TPCN1: variants seen among roughly 807,000 people sequenced by gnomAD.
TPCN1 encodes the protein two pore segment channel 1, also known as two pore channel protein 1.
A neutral mutation model predicts 108.8 loss-of-function variants in TPCN1; 52 were observed. The ratio of observed to expected loss-of-function variants is 0.48; its 90% CI spans 0.38 to 0.60. TPCN1 has a LOEUF of 0.60. Among genes scored for constraint, TPCN1 ranks in the 20% least tolerant of loss-of-function variants. The pLI is 0.00. For missense variants in TPCN1, 806 were observed against 1,072.8 expected, an observed-to-expected ratio of 0.75 and a Z score of 3.47; for synonymous variants, 446 against 433.7, an observed-to-expected ratio of 1.03 and a Z score of -0.35.
At chr12:113,259,002 G>A (rs772629120) in intron 2 of TPCN1, among the ~76,000 whole-genome samples, 5 of 148,048 alleles carry the variant, frequency 3.4e-5, no homozygotes, top group African/African-American at 1.0e-4. Context: ...TTTTTGAGAC[G>A]GAGTCTTGCT....
At position 113,273,435 on chromosome 12, in the gene TPCN1, C is replaced by A; in HGVS notation, c.843-134C>A. On this transcript the variant is annotated intron_variant, in intron 9 of 27. Coordinates refer to ENST00000335509, the MANE Select transcript of TPCN1 (RefSeq NM_017901.6). This position sits in a 1 kb window ranked among gnomAD's most constrained non-coding sequence, Gnocchi z 4.0. Reference sequence around the variant, plus strand: ...CAGGGTTGGCCCACTGAGCACGGAGCCCAGGGATGAGAGTAGGGGAACCAG... The same window carrying A: ...CAGGGTTGGCCCACTGAGCACGGAGACCAGGGATGAGAGTAGGGGAACCAG... The A allele has an allele frequency of 8.1e-7, 1 of 1,241,980 alleles. No individual in the cohort carries two copies. The highest frequency in any genetic ancestry group is 1.2e-6 in the Non-Finnish European group (1 of 846,396). 76.9% of individuals were successfully genotyped at this position (1,241,980 alleles called of 1,614,324 possible). A position where few individuals can be genotyped will look rare whatever the true frequency, so the allele number is the denominator to read the frequency against.
chr12:113,255,513 A>G (rs1281512687), intron 2 of TPCN1, among the ~76,000 whole-genome samples: 1 of 151,824 alleles, frequency 6.6e-6, no homozygotes, highest in African/African-American at 2.4e-5. Flanking sequence ...GAAATTGACT[A>G]ATTATTATTA....
In TPCN1 at chr12:113,257,488, C is replaced by CAAAAA. The variant is rs77052703; in HGVS notation, c.113-2869_113-2865dup. 1.6e-4 allele frequency among the ~76,000 whole-genome samples: 15 copies of CAAAAA among 96,742 alleles called. 1 individual carries two copies. The highest frequency in any genetic ancestry group is 5.2e-4 in the African/African-American group (14 of 27,038). 63.5% of individuals were successfully genotyped at this position (96,742 alleles called of 152,430 possible). A position where few individuals can be genotyped will look rare whatever the true frequency, so the allele number is the denominator to read the frequency against. On this transcript the variant is annotated intron_variant, in intron 2 of 27. Coordinates refer to ENST00000335509, the MANE Select transcript of TPCN1 (RefSeq NM_017901.6). ...CCTGGGCGACAGAGTGAGACCGTCT[C>CAAAAA]AAAAAAAAAAAAAAATGCTTAAAAA...
Position 113,291,876 on chromosome 12 carries a change from G to A in TPCN1, c.2031G>A (p.Val677=), listed in dbSNP as rs1290360509. The change falls in exon 25 of 28, where the codon GTG becomes GTA. Residue 677 remains valine (V), a splice_region_variant and synonymous_variant. Transcript: ENST00000335509. ...YFMTFYIVTM[V]VMTIIVAFIL... Reference sequence around the variant, plus strand: ...CCTCCCTCCCTATCCCTGGCCAGGTGGTGATGACGATCATTGTCGCCTTTA... The same window carrying A: ...CCTCCCTCCCTATCCCTGGCCAGGTAGTGATGACGATCATTGTCGCCTTTA... The A allele has an allele frequency of 1.9e-6, 3 of 1,613,524 alleles. No individual in the cohort carries two copies. The highest frequency in any genetic ancestry group is 2.2e-5 in the South Asian group (2 of 91,070).
Position 113,288,720 on chromosome 12 carries a change from T to A in TPCN1, c.1707-38T>A. The A allele has an allele frequency of 6.2e-7, 1 of 1,607,172 alleles. No individual in the cohort carries two copies. The highest frequency in any genetic ancestry group is 8.5e-7 in the Non-Finnish European group (1 of 1,179,134). ...GGGCTGCAGAGGAGCCGTTCCCTCC[T>A]GCCGGCCCCGCGTCACCCTGCCCCT... On this transcript the variant is annotated intron_variant, in intron 20 of 27. Coordinates refer to ENST00000335509, the MANE Select transcript of TPCN1 (RefSeq NM_017901.6). The surrounding 1 kb of genome is among the most constrained non-coding windows in gnomAD (Gnocchi z 4.8).
At chr12:113,290,031 C>T (rs1449984234) in intron 21 of TPCN1, 97 bp from the exon 22 acceptor site, 2 of 772,918 alleles carry the variant, frequency 2.6e-6, no homozygotes, top group African/African-American at 3.5e-5. Context: ...CAGAAGGATC[C>T]TTGGCCAGAA....
At chr12:113,245,494 G>A (rs867505806) in intron 2 of TPCN1, among the ~76,000 whole-genome samples, 2 of 146,154 alleles carry the variant, frequency 1.4e-5, no homozygotes, top group African/African-American at 2.6e-5. Flanking sequence ...CCAGCTACTC[G>A]GGAGGCTGAG....
At chr12:113,283,875 G>A (rs1301738674) in intron 15 of TPCN1, among the ~76,000 whole-genome samples, 1 of 152,174 alleles carries the variant, frequency 6.6e-6, no homozygotes, top group South Asian at 2.1e-4. Context: ...TGGTCTCCCT[G>A]TGTGCCCAGG....
At chr12:113,293,387 A>G (rs1407533378) in intron 27 of TPCN1, 38 bp downstream of exon 27, 3 of 1,587,764 alleles carry the variant, frequency 1.9e-6, no homozygotes, top group Non-Finnish European at 2.6e-6. Context: ...ATCCTCCCCC[A>G]AGCTATGTCC....
chr12:113,293,438 G>A (rs1336795675), intron 27 of TPCN1, 89 bp downstream of exon 27: 1 of 1,252,192 alleles, frequency 8.0e-7, no homozygotes, highest in South Asian at 1.2e-5. Context: ...TCTGAGTAGA[G>A]GGAGAAGGCT....
chr12:113,261,788 T>G (rs1273873802), intron 3 of TPCN1, among the ~76,000 whole-genome samples: 1 of 152,232 alleles, frequency 6.6e-6, no homozygotes, highest in Non-Finnish European at 1.5e-5. Context: ...CCTGATAATC[T>G]TGAATATTTT....
chr12:113,292,200 C>T (rs1956290957), intron 25 of TPCN1: 1 of 501,944 alleles, frequency 2.0e-6, no homozygotes, highest in Non-Finnish European at 3.6e-6. Flanking sequence ...GGAGAAAAAT[C>T]AAGAAGTAGA....
At position 113,266,121 on chromosome 12, in the gene TPCN1, C is replaced by T; in HGVS notation, c.238-59C>T. The T allele has an allele frequency of 6.3e-7, 1 of 1,589,386 alleles. No individual in the cohort carries two copies. The highest frequency in any genetic ancestry group is 8.6e-7 in the Non-Finnish European group (1 of 1,163,434). ...TCCTTTCCTCCCCTGCCCGCGGCTC[C>T]TCTTTGGCGTTGGATGGGTCTCCAG... On this transcript the variant is annotated intron_variant, in intron 3 of 27. Transcript: ENST00000335509. This position sits in a 1 kb window ranked among gnomAD's most constrained non-coding sequence, Gnocchi z 4.2.
chr12:113,287,016 T>A lies in TPCN1; in HGVS notation c.1556T>A (p.Phe519Tyr). ...LFDFSVTVFA[F>Y]LGLLALALNM... ...GACTTCTCCGTGACAGTGTTCGCCT[T>A]CCTGGGACTGCTGGCGCTGGCCCTC... The change falls in exon 19 of 28, where the codon TTC becomes TAC. Residue 519 changes from phenylalanine to tyrosine, a missense_variant. Coordinates refer to ENST00000335509, the MANE Select transcript of TPCN1 (RefSeq NM_017901.6). The A allele has an allele frequency of 6.2e-7, 1 of 1,613,878 alleles. No homozygotes were observed.
In TPCN1 at chr12:113,268,868, C is replaced by T. The variant is rs1391470243; in HGVS notation, c.655C>T (p.Arg219Trp). The T allele has an allele frequency of 6.2e-7, 1 of 1,613,796 alleles. No homozygotes were observed. The highest frequency in any genetic ancestry group is 1.1e-5 in the South Asian group (1 of 91,062). Residue 219 changes from arginine to tryptophan, a missense_variant, in exon 6 of 28, where the codon CGG becomes TGG. Transcript: ENST00000335509. The surrounding 1 kb of genome is among the most constrained non-coding windows in gnomAD (Gnocchi z 7.3). Reference sequence around the variant, plus strand: ...GGACTGTCGGTATTGCGGTGGCGTCCGGCGGTAAGGCCCGGGTGGGGAGCT... The same window carrying T: ...GGACTGTCGGTATTGCGGTGGCGTCTGGCGGTAAGGCCCGGGTGGGGAGCT... ...LVDCRYCGGVRRNLRQIFQSL... is the reference protein window; with the variant it reads ...LVDCRYCGGVWRNLRQIFQSL...
rs372710680 is a variant in TPCN1 at position 113,288,251 on chromosome 12, C to T, written c.1706+17C>T. The T allele has an allele frequency of 3.0e-5, 49 of 1,613,404 alleles. No individual in the cohort carries two copies. The highest frequency in any genetic ancestry group is 4.0e-5 in the African/African-American group (3 of 74,936). On this transcript the variant is annotated intron_variant, in intron 20 of 27. Coordinates refer to ENST00000335509, the MANE Select transcript of TPCN1 (RefSeq NM_017901.6). The surrounding 1 kb of genome is among the most constrained non-coding windows in gnomAD (Gnocchi z 4.8). ...GATGGCCAGGTACTGCCAGCCCCCA[C>T]CCTGGCCTGCAGGTCCAGGTGCCGT...
chr12:113,236,840 A>G (rs934649061), intron 2 of TPCN1, among the ~76,000 whole-genome samples: 2 of 152,128 alleles, frequency 1.3e-5, no homozygotes, highest in Non-Finnish European at 2.9e-5. Context: ...TGACACTAAT[A>G]TTAGTATTAC....
chr12:113,243,007 C>T (rs1954211379), intron 2 of TPCN1, among the ~76,000 whole-genome samples: 1 of 152,238 alleles, frequency 6.6e-6, no homozygotes, highest in Non-Finnish European at 1.5e-5. Context: ...GCCTGGTATA[C>T]AGTAAGTGCT....
chr12:113,286,390 G>A (rs1323243765), intron 18 of TPCN1, among the ~76,000 whole-genome samples: 2 of 152,226 alleles, frequency 1.3e-5, no homozygotes, highest in South Asian at 2.1e-4. Flanking sequence ...TAACCGGCCT[G>A]TGAAGTCAGG....
Sources: allele counts gnomAD v4.1 joint callset (sites outside exome capture counted in the v4.1 genomes callset), GRCh38; gene constraint gnomAD v4.1.1; non-coding constraint Gnocchi (gnomAD v3.1); transcripts MANE v1.5; gene names NCBI Gene and HGNC (gene_info 2026-07-23, HGNC 2026-07-21).